The following DLC1 variants were observed in gnomAD, a reference collection of about 807,000 sequenced individuals.
DLC1 encodes the protein DLC1 Rho GTPase activating protein.
Under a neutral mutation model 140.3 loss-of-function variants are expected in DLC1, and 54 were observed. The ratio of observed to expected loss-of-function variants is 0.38; its 90% CI spans 0.31 to 0.48. The LOEUF is 0.48. Ranked by LOEUF, DLC1 falls within the 20% of genes least tolerant of loss-of-function variation. The probability of loss-of-function intolerance (pLI) is 0.96; values close to 1 mark genes in which losing one functional copy is unlikely to be tolerated. For missense variants in DLC1, 2,536 were observed against 1,907.0 expected (o/e 1.33, Z -6.14); for synonymous variants, 986 against 728.1 (o/e 1.35, Z -5.70).
chr8:13,413,003 G>A (rs1225000376), intron 2 of DLC1, among the ~76,000 whole-genome samples: 3 of 151,014 alleles, frequency 2.0e-5, no homozygotes, highest in Non-Finnish European at 4.4e-5. Context: ...TGTTTAATGA[G>A]CAAAACACAG....
At chr8:13,442,430 G>C (rs1343249679) in intron 2 of DLC1, among the ~76,000 whole-genome samples, 1 of 152,064 alleles carries the variant, frequency 6.6e-6, no homozygotes, top group African/African-American at 2.4e-5. Context: ...CTACAGAATG[G>C]GAGAAAATTT....
rs558828142 is a variant in DLC1, at chr8:13,537,536, G to A, written c.-125-37340C>T. Among the ~76,000 whole-genome samples, 4 of 152,156 alleles carry A rather than the reference G, an allele frequency of 2.6e-5. No individual in the cohort carries two copies. The South Asian group carries it at 8.3e-4, about 32-fold the overall frequency. On this transcript the variant is annotated intron_variant, in intron 1 of 1. Transcript: ENST00000631382. ...CAGTGTAAAAGCTGACATGGGCTAC[G>A]AGACAGACACAGTTAGGTAAAGGAT... is the stretch of plus-strand genomic sequence containing the variant.
chr8:13,106,282 T>A (rs1036961781), intron 7 of DLC1, among the ~76,000 whole-genome samples: 12 of 152,162 alleles, frequency 7.9e-5, no homozygotes, highest in South Asian at 2.1e-4. Context: ...CTCTCACAAA[T>A]AAAAATGGTT....
chr8:13,451,558 A>G (rs366939), intron 2 of DLC1, among the ~76,000 whole-genome samples: 5,845 of 152,126 alleles, frequency 0.038, 388 homozygotes, highest in African/African-American at 0.13. Flanking sequence ...CCTACACTCT[A>G]TGTCCATGAA....
chr8:13,205,128 G>T, intron 5 of DLC1, among the ~76,000 whole-genome samples: 1 of 152,054 alleles, frequency 6.6e-6, no homozygotes, highest in Non-Finnish European at 1.5e-5. Context: ...TACATTGCAA[G>T]TTTTCATTTT....
chr8:13,397,356 C>A (rs573779099), intron 3 of DLC1, among the ~76,000 whole-genome samples: 4 of 152,124 alleles, frequency 2.6e-5, no homozygotes, highest in South Asian at 4.2e-4. Context: ...TGGAAAGCAA[C>A]TGTTGAAGAA....
intron 5 of DLC1, among the ~76,000 whole-genome samples, chr8:13,177,921 C>A (rs1825838662): frequency 6.6e-6 from 1 of 151,506 alleles, no homozygotes; most frequent in Non-Finnish European, 1.5e-5. Context: ...TTGTGTTAGA[C>A]CCCAAAAAAA....
intron 1 of DLC1, among the ~76,000 whole-genome samples, chr8:13,570,714 G>C (rs532649022): frequency 2.0e-5 from 3 of 151,908 alleles, no homozygotes; most frequent in African/African-American, 4.8e-5. Context: ...ATTTGCGTTG[G>C]TTCTCTTAAC....
chr8:13,328,876 G>T (rs769315695), intron 4 of DLC1, among the ~76,000 whole-genome samples: 8 of 152,146 alleles, frequency 5.3e-5, no homozygotes, highest in Non-Finnish European at 8.8e-5. Context: ...GAGTGATCTG[G>T]GACTAGGTGA....
intron 1 of DLC1, among the ~76,000 whole-genome samples, chr8:13,537,560 AT>A (rs1803326295): frequency 6.6e-6 from 1 of 151,118 alleles, no homozygotes; most frequent in Non-Finnish European, 1.5e-5. Flanking sequence ...TAGGTAAAGG[AT>A]CAGTGCAGAG....
chr8:13,321,874 T>C (rs747130406), intron 4 of DLC1, among the ~76,000 whole-genome samples: 1 of 152,220 alleles, frequency 6.6e-6, no homozygotes, highest in Non-Finnish European at 1.5e-5. Flanking sequence ...GTGTCTGTTA[T>C]TGGAATTCAG....
chr8:13,278,451 G>A (rs923803595), intron 5 of DLC1, among the ~76,000 whole-genome samples: 32 of 152,226 alleles, frequency 2.1e-4, no homozygotes, highest in South Asian at 4.1e-4. Flanking sequence ...TTAGGCCTGC[G>A]GAACTTTAGG....
At chr8:13,509,405 T>A (rs1011045676) in intron 1 of DLC1, among the ~76,000 whole-genome samples, 1 of 152,176 alleles carries the variant, frequency 6.6e-6, no homozygotes, top group African/African-American at 2.4e-5. Context: ...CTACCTGGGG[T>A]CAATGTCTCT....
rs3066463 is a variant in DLC1 at position 13,551,897 on chromosome 8, C to CATAT, written c.-125-51705_-125-51702dup. On this transcript the variant is annotated intron_variant, in intron 1 of 1. Coordinates refer to the DLC1 transcript ENST00000631382. ...ATATATATATAGACAGGTATATATA[C>CATAT]ATATATATATATATATGTACCTCTA... Among the ~76,000 whole-genome samples, 158 of 137,888 alleles carry CATAT rather than the reference C, an allele frequency of 1.1e-3. 3 individuals are homozygous for CATAT. Among genetic ancestry groups the CATAT allele is most frequent in the Middle Eastern group, 4.7e-3 (1 of 214 alleles). The allele number at this position is 137,888 out of a possible 152,430, so 90.5% of individuals were successfully genotyped here.
chr8:13,455,249 ATGCACACAATTGTATATCCAT>A (rs1283544592), intron 2 of DLC1, among the ~76,000 whole-genome samples: 5 of 152,212 alleles, frequency 3.3e-5, no homozygotes, highest in Admixed American at 6.5e-5. Context: ...ACATGTACAG[ATGCACACAATTGTATATCCAT>A]TGCACACAAT....
At chr8:13,537,111 C>G (rs1185922534) in intron 1 of DLC1, among the ~76,000 whole-genome samples, 2 of 143,236 alleles carry the variant, frequency 1.4e-5, no homozygotes, top group African/African-American at 4.9e-5. Context: ...TAGCAAAAAA[C>G]CATAACAGTA....
intron 5 of DLC1, among the ~76,000 whole-genome samples, chr8:13,263,106 G>C (rs1373165171): frequency 6.6e-6 from 1 of 152,060 alleles, no homozygotes; most frequent in South Asian, 2.1e-4. Flanking sequence ...TTGGGGAAAG[G>C]ATTGCTTTTT....
chr8:13,148,037 A>C (rs1823558999), intron 5 of DLC1, among the ~76,000 whole-genome samples: 1 of 152,092 alleles, frequency 6.6e-6, no homozygotes, highest in African/African-American at 2.4e-5. Context: ...ACAACAAACC[A>C]TTGTTGTATT....
intron 1 of DLC1, among the ~76,000 whole-genome samples, chr8:13,534,552 C>T (rs761464641): frequency 1.3e-5 from 2 of 152,142 alleles, no homozygotes; most frequent in Admixed American, 1.3e-4. Context: ...TCCTTCTTCT[C>T]TGCTTCATAA....
Sources: gnomAD v4.1 joint callset for allele counts (sites outside exome capture counted in the v4.1 genomes callset) on GRCh38, gnomAD v4.1.1 for gene constraint, MANE v1.5 for transcripts, NCBI Gene and HGNC (gene_info 2026-07-23, HGNC 2026-07-21) for gene names.